The following PLXDC2 variants were observed in gnomAD, a reference collection of about 807,000 sequenced individuals.
The protein encoded by PLXDC2 is plexin domain containing 2.
PLXDC2 carries 40 observed loss-of-function variants against 68.9 expected under a neutral mutation model. The observed-to-expected ratio is 0.58, with a 90% CI of 0.45 to 0.76. The LOEUF (loss-of-function observed/expected upper bound fraction) is 0.76, where lower values mean the gene tolerates loss of function less well. Among genes scored for constraint, PLXDC2 ranks in the 30% least tolerant of loss-of-function variants. The pLI is 0.00. For missense variants in PLXDC2, 644 were observed against 661.9 expected, an observed-to-expected ratio of 0.97 and a Z score of 0.30; for synonymous variants, 243 against 234.2, an observed-to-expected ratio of 1.04 and a Z score of -0.34.
At chr10:20,241,179 A>G (rs1835510855) in intron 12 of PLXDC2, among the ~76,000 whole-genome samples, 1 of 152,218 alleles carries the variant, frequency 6.6e-6, no homozygotes, top group African/African-American at 2.4e-5. Flanking sequence ...TATTGGAAGT[A>G]TGAATAAATA....
chr10:20,044,269 CT>C (rs1169770742), intron 2 of PLXDC2, among the ~76,000 whole-genome samples: 3 of 104,008 alleles, frequency 2.9e-5, no homozygotes, highest in South Asian at 3.0e-4. Flanking sequence ...TTCTTTCTTT[CT>C]TTCTTTCTTT....
chr10:20,159,435 C>T (rs536031339), intron 6 of PLXDC2, among the ~76,000 whole-genome samples: 30 of 152,248 alleles, frequency 2.0e-4, no homozygotes, highest in Non-Finnish European at 3.2e-4. Flanking sequence ...CTGTCACTTA[C>T]ACCACTGTTA....
At chr10:19,971,990 G>A (rs1264286080) in intron 1 of PLXDC2, among the ~76,000 whole-genome samples, 6 of 152,224 alleles carry the variant, frequency 3.9e-5, no homozygotes, top group South Asian at 2.1e-4. Context: ...AGTGGCATGC[G>A]TTGTGCATAG....
chr10:20,169,294 C>T (rs1834415167), intron 7 of PLXDC2, among the ~76,000 whole-genome samples: 2 of 152,206 alleles, frequency 1.3e-5, no homozygotes, highest in South Asian at 2.1e-4. Context: ...TAGAAATATC[C>T]CATTTCCCAA....
chr10:19,820,056 T>TA (rs1406771567), intron 1 of PLXDC2, among the ~76,000 whole-genome samples: 15 of 152,246 alleles, frequency 9.9e-5, no homozygotes, highest in African/African-American at 3.4e-4. Flanking sequence ...AGAGAACAGA[T>TA]ACAAGTTTTG....
intron 1 of PLXDC2, among the ~76,000 whole-genome samples, chr10:19,857,010 T>C (rs1837226750): frequency 6.6e-6 from 1 of 152,162 alleles, no homozygotes; most frequent in Admixed American, 6.5e-5. Context: ...CAAATAATAA[T>C]AGTCATAATT....
intron 13 of PLXDC2, among the ~76,000 whole-genome samples, chr10:20,256,379 G>A (rs184427380): frequency 1.8e-3 from 270 of 151,548 alleles, no homozygotes; most frequent in African/African-American, 6.3e-3. Flanking sequence ...ATGATCCACC[G>A]GCCTCTGCCT....
intron 4 of PLXDC2, among the ~76,000 whole-genome samples, chr10:20,069,236 A>T (rs1836275043): frequency 6.6e-6 from 1 of 152,182 alleles, no homozygotes. Flanking sequence ...AAATATCAAC[A>T]AGTAACTGGA....
At chr10:20,014,398 C>CCTTG (rs1835172168) in intron 2 of PLXDC2, among the ~76,000 whole-genome samples, 1 of 71,292 alleles carries the variant, frequency 1.4e-5, no homozygotes, top group Non-Finnish European at 2.6e-5. Flanking sequence ...TTCCTTCCTT[C>CCTTG]CTTCCTTCCT....
At chr10:20,194,190 C>CTGTT (rs1554773902) in intron 9 of PLXDC2, among the ~76,000 whole-genome samples, 21 of 143,650 alleles carry the variant, frequency 1.5e-4, no homozygotes, top group African/African-American at 5.1e-4. Flanking sequence ...TTGAACTCAG[C>CTGTT]TGTGTGTGTG....
At chr10:19,819,494 C>T (rs1176115911) in intron 1 of PLXDC2, among the ~76,000 whole-genome samples, 2 of 152,094 alleles carry the variant, frequency 1.3e-5, no homozygotes, top group Non-Finnish European at 2.9e-5. Flanking sequence ...GGGGAAAAGT[C>T]CAGCAGTCTT....
chr10:19,822,510 A>T (rs1836488185), intron 1 of PLXDC2, among the ~76,000 whole-genome samples: 1 of 152,158 alleles, frequency 6.6e-6, no homozygotes, highest in Non-Finnish European at 1.5e-5. Context: ...TTGCTAGCTC[A>T]TATGGTGGTT....
intron 1 of PLXDC2, among the ~76,000 whole-genome samples, chr10:19,830,230 T>A (rs1439114965): frequency 6.6e-6 from 1 of 152,214 alleles, no homozygotes; most frequent in Non-Finnish European, 1.5e-5. Flanking sequence ...ATTTTTCAGA[T>A]ACAGATCACT....
intron 7 of PLXDC2, among the ~76,000 whole-genome samples, chr10:20,164,814 G>C (rs553873153): frequency 6.6e-6 from 1 of 152,050 alleles, no homozygotes; most frequent in South Asian, 2.1e-4. Flanking sequence ...TCTTTTTCTT[G>C]GTTCTTTTTT....
chr10:20,048,379 C>T (rs1353897065), intron 3 of PLXDC2, among the ~76,000 whole-genome samples: 1 of 151,800 alleles, frequency 6.6e-6, no homozygotes, highest in Admixed American at 6.6e-5. Context: ...TCCACCCCCA[C>T]CCCAGTTTTT....
chr10:20,001,634 G>A lies in PLXDC2; in HGVS notation c.113-141G>A, dbSNP rs965099669. 2.1e-5 allele frequency: 15 copies of A among 703,990 alleles called. No homozygotes were observed. The African/African-American group carries it at 2.5e-4, about 12-fold the overall frequency. The allele number at this position is 703,990 out of a possible 1,614,324, so 43.6% of individuals were successfully genotyped here. On this transcript the variant is annotated intron_variant, in intron 1 of 13. Transcript: ENST00000377252. Reference sequence around the variant, plus strand: ...GATGTTCGTACCAGCTCAAGATATTGCAAGTAAACAGATTTAACTGTTACA... The same window carrying A: ...GATGTTCGTACCAGCTCAAGATATTACAAGTAAACAGATTTAACTGTTACA...
chr10:19,934,523 A>C (rs991207832), intron 1 of PLXDC2, among the ~76,000 whole-genome samples: 2 of 152,204 alleles, frequency 1.3e-5, no homozygotes, highest in African/African-American at 4.8e-5. Flanking sequence ...CGATCATTAC[A>C]TTGGTCACCT....
intron 1 of PLXDC2, among the ~76,000 whole-genome samples, chr10:19,901,244 A>G (rs1403131022): frequency 6.6e-6 from 1 of 151,984 alleles, no homozygotes; most frequent in Non-Finnish European, 1.5e-5. Context: ...TCTTCAAGGA[A>G]TCTCTACACT....
chr10:20,218,860 C>T (rs1017047349), intron 11 of PLXDC2, among the ~76,000 whole-genome samples: 3 of 152,110 alleles, frequency 2.0e-5, no homozygotes, highest in South Asian at 2.1e-4. Flanking sequence ...AAAATCTTGA[C>T]ATTACAATCT....
Sources: gnomAD v4.1 joint callset for allele counts (sites outside exome capture counted in the v4.1 genomes callset) on GRCh38, gnomAD v4.1.1 for gene constraint, MANE v1.5 for transcripts, NCBI Gene and HGNC (gene_info 2026-07-23, HGNC 2026-07-21) for gene names.